The following PJA2 variants were observed in gnomAD, a reference collection of about 807,000 sequenced individuals.
The protein encoded by PJA2 is praja ring finger ubiquitin ligase 2.
PJA2 carries 25 observed loss-of-function variants against 69.3 expected under a neutral mutation model. The ratio of observed to expected loss-of-function variants is 0.36; its 90% CI spans 0.26 to 0.50. The LOEUF (loss-of-function observed/expected upper bound fraction) is 0.50, where lower values mean the gene tolerates loss of function less well. Ranked by LOEUF, PJA2 falls within the 20% of genes least tolerant of loss-of-function variation. PJA2 has a pLI of 0.96. For synonymous variants in PJA2, 308 were observed against 277.8 expected, an observed-to-expected ratio of 1.11 and a Z score of -1.08; for missense variants, 809 against 830.2, an observed-to-expected ratio of 0.97 and a Z score of 0.31.
chr5:109,357,350 C>G (rs1762430270), intron 6 of PJA2, among the ~76,000 whole-genome samples: 1 of 147,292 alleles, frequency 6.8e-6, no homozygotes, highest in African/African-American at 2.4e-5. Flanking sequence ...TAAAATTACC[C>G]ATCTGTTGCC....
chr5:109,381,616 T>C lies in PJA2; in HGVS notation c.119A>G (p.His40Arg), dbSNP rs1359637962. Residue 40 changes from histidine to arginine, a missense_variant, in exon 3 of 10, where the codon CAT (histidine) becomes CGT (arginine). Physicochemically the swap from His to Arg is conservative, Grantham distance 29. Transcript: ENST00000361189. ...ACATGGTTTAAAACTGACATAAGCA[T>C]GTCTTCTTCCATATCTCCTGCCTGT... is the stretch of plus-strand genomic sequence containing the variant. The part of the protein sequence containing the change: ...TITGRRYGRR[H>R]AYVSFKPCMT... 3 of 1,614,162 alleles carry C rather than the reference T, an allele frequency of 1.9e-6. No individual in the cohort carries two copies. The East Asian group carries it at 6.7e-5, about 36-fold the overall frequency.
intron 3 of PJA2, among the ~76,000 whole-genome samples, chr5:109,379,718 TAAGAG>T (rs1308526086): frequency 6.6e-6 from 1 of 152,196 alleles, no homozygotes; most frequent in African/African-American, 2.4e-5. Context: ...GTTACAGATT[TAAGAG>T]AAATTAGACC....
At chr5:109,352,902 T>C (rs1217810750) in intron 7 of PJA2, among the ~76,000 whole-genome samples, 2 of 149,146 alleles carry the variant, frequency 1.3e-5, no homozygotes, top group African/African-American at 4.9e-5. Context: ...TAGACATCTA[T>C]ATATTAGATA....
intron 7 of PJA2, among the ~76,000 whole-genome samples, chr5:109,350,205 AT>A (rs1284802514): frequency 6.6e-6 from 1 of 152,094 alleles, no homozygotes; most frequent in Non-Finnish European, 1.5e-5. Context: ...ACTGTCATAT[AT>A]TTAAGATGAT....
chr5:109,375,635 A>T (rs1044340994), intron 4 of PJA2, among the ~76,000 whole-genome samples: 2 of 152,242 alleles, frequency 1.3e-5, no homozygotes, highest in Non-Finnish European at 2.9e-5. Context: ...CAACTTTTTA[A>T]GCTTTACAAA....
intron 1 of PJA2, among the ~76,000 whole-genome samples, chr5:109,394,030 T>G (rs912873080): frequency 6.8e-6 from 1 of 146,918 alleles, no homozygotes; most frequent in Non-Finnish European, 1.5e-5. Flanking sequence ...CTAGTAACAT[T>G]CTAATTCTCT....
chr5:109,396,496 G>A (rs539681202), intron 1 of PJA2, among the ~76,000 whole-genome samples: 5 of 146,316 alleles, frequency 3.4e-5, no homozygotes, highest in South Asian at 2.1e-4. Flanking sequence ...GCGTGATCTC[G>A]GCTCACTGCA....
rs373063618 is a variant in PJA2, at chr5:109,362,947, C to T, written c.1545G>A (p.Glu515=). The change falls in exon 6 of 10, where the codon GAG becomes GAA. Residue 515 remains glutamate (E), a synonymous_variant. Coordinates refer to ENST00000361189, the MANE Select transcript of PJA2 (RefSeq NM_014819.5). Reference sequence around the variant, plus strand: ...CAAATTCATTGGCAGGTTCATTTCCCTCATCACTGCTGCTTTCATTGACTT... The same window carrying T: ...CAAATTCATTGGCAGGTTCATTTCCTTCATCACTGCTGCTTTCATTGACTT... ...YNEVNESSSD[E]GNEPANEFAQ... The T allele has an allele frequency of 3.1e-6, 5 of 1,613,778 alleles. No individual in the cohort carries two copies. The highest frequency in any genetic ancestry group is 4.2e-6 in the Non-Finnish European group (5 of 1,179,854).
intron 6 of PJA2, 77 bp downstream of exon 6, chr5:109,362,763 C>A: frequency 7.4e-7 from 1 of 1,345,718 alleles, no homozygotes; most frequent in Non-Finnish European, 1.0e-6. Context: ...TCTCAGCTAG[C>A]AGAGATTTAA....
rs184114003 is a variant in PJA2 at position 109,358,552 on chromosome 5, G to A, written c.1653-2526C>T. ...TGGGTTAGGGTCTCCCCAGCCAAGCGGGTCTCAGCAAATCCCAGCACTTTG... is the reference window on the plus strand; with the variant it reads ...TGGGTTAGGGTCTCCCCAGCCAAGCAGGTCTCAGCAAATCCCAGCACTTTG... On this transcript the variant is annotated intron_variant, in intron 6 of 9. Coordinates refer to ENST00000361189, the MANE Select transcript of PJA2 (RefSeq NM_014819.5). 6.6e-5 allele frequency among the ~76,000 whole-genome samples: 10 copies of A among 152,252 alleles called. No homozygotes were observed. In the East Asian group the frequency reaches 1.7e-3, roughly 27 times the overall value.
At chr5:109,398,634 G>A (rs112455225) in intron 1 of PJA2, among the ~76,000 whole-genome samples, 130 of 138,086 alleles carry the variant, frequency 9.4e-4, no homozygotes, top group Non-Finnish European at 1.4e-3. Flanking sequence ...GTTGTGGGGT[G>A]GGGGAGGGGG....
chr5:109,381,570 G>C lies in PJA2; in HGVS notation c.165C>G (p.Ser55Arg), dbSNP rs1291208303. 1 of 1,614,004 alleles carries C rather than the reference G, an allele frequency of 6.2e-7. No homozygotes were observed. Among genetic ancestry groups the C allele is most frequent in the Non-Finnish European group, 8.5e-7 (1 of 1,179,990 alleles). The change falls in exon 3 of 10, where the codon AGC becomes AGG. Residue 55 changes from serine to arginine, a missense_variant. Ser to Arg is a moderately radical substitution (Grantham distance 110, BLOSUM62 -1). Coordinates refer to ENST00000361189, the MANE Select transcript of PJA2 (RefSeq NM_014819.5). ...CATAGTCATCACCAGCCCGACCTAA[G>C]CTTCTTTCATGTCTGGTCATACATG... ...FKPCMTRHER[S>R]LGRAGDDYEV...
chr5:109,344,694 T>C lies in PJA2; in HGVS notation c.1879+11A>G. On this transcript the variant is annotated intron_variant, in intron 8 of 9. Transcript: ENST00000361189. Reference sequence around the variant, plus strand: ...GTGTTCTTCAACATTTGAGATCAACTTTGCCCTTACCAGTGTGATCTTCAA... The same window carrying C: ...GTGTTCTTCAACATTTGAGATCAACCTTGCCCTTACCAGTGTGATCTTCAA... The C allele has an allele frequency of 6.4e-7, 1 of 1,556,860 alleles. No homozygotes were observed. The highest frequency in any genetic ancestry group is 2.2e-5 in the East Asian group (1 of 44,484).
At chr5:109,349,572 A>AG (rs780961223) in intron 7 of PJA2, among the ~76,000 whole-genome samples, 1 of 152,140 alleles carries the variant, frequency 6.6e-6, no homozygotes, top group Non-Finnish European at 1.5e-5. Context: ...TCCTATGAAT[A>AG]GCTTTCCTCA....
rs997386952 is a variant in PJA2, at chr5:109,409,954, T to TGTGGCGGCGGCGGCGGCG, written c.-218_-201dup. On this transcript the variant is annotated 5_prime_UTR_variant, in exon 1 of 10. Transcript: ENST00000361189. Reference sequence around the variant, plus strand: ...CGCCGAACGCGAAGCGGCTGGCGGCTGTGGCGGCGGCGGCGGCGGTGGCGG... The same window carrying TGTGGCGGCGGCGGCGGCG: ...CGCCGAACGCGAAGCGGCTGGCGGCTGTGGCGGCGGCGGCGGCGGTGGCGGCGGCGGCGGCGGTGGCGG... 2.3e-3 allele frequency: 485 copies of TGTGGCGGCGGCGGCGGCG among 211,252 alleles called. 10 individuals carry two copies. The highest frequency in any genetic ancestry group is 3.8e-3 in the Non-Finnish European group (411 of 106,802). The allele number at this position is 211,252 out of a possible 1,614,324, so 13.1% of individuals were successfully genotyped here.
intron 7 of PJA2, among the ~76,000 whole-genome samples, chr5:109,355,542 T>G (rs1366958198): frequency 6.6e-6 from 1 of 152,092 alleles, no homozygotes; most frequent in Non-Finnish European, 1.5e-5. Flanking sequence ...TTAGAAGCCA[T>G]GAGAAAAAAA....
At chr5:109,343,280 AAAAAAAAAAAAAG>A (rs1232427141) in intron 9 of PJA2, among the ~76,000 whole-genome samples, 1 of 82,488 alleles carries the variant, frequency 1.2e-5, no homozygotes, top group African/African-American at 5.0e-5. Flanking sequence ...GTGCAAAAAA[AAAAAAAAAAAAAG>A]AAAGAAAGAA....
At chr5:109,347,853 G>T (rs1467551701) in intron 7 of PJA2, among the ~76,000 whole-genome samples, 1 of 152,154 alleles carries the variant, frequency 6.6e-6, no homozygotes, top group Non-Finnish European at 1.5e-5. Flanking sequence ...CTAAACTTCT[G>T]TTGCAGTTAA....
chr5:109,383,919 T>A (rs1281162307), intron 1 of PJA2, among the ~76,000 whole-genome samples: 1 of 151,978 alleles, frequency 6.6e-6, no homozygotes, highest in African/African-American at 2.4e-5. Flanking sequence ...CAAAGTGAGA[T>A]CCCGTCCCAA....
Sources: gnomAD v4.1 joint callset for allele counts (sites outside exome capture counted in the v4.1 genomes callset) on GRCh38, gnomAD v4.1.1 for gene constraint, MANE v1.5 for transcripts, NCBI Gene and HGNC (gene_info 2026-07-23, HGNC 2026-07-21) for gene names.